Variants in PCLO observed in about 807,000 individuals in gnomAD.
The protein encoded by PCLO is piccolo presynaptic cytomatrix protein, also known as protein piccolo.
Under a neutral mutation model 427.5 loss-of-function variants are expected in PCLO, and 82 were observed. The observed-to-expected ratio is 0.19, with a 90% confidence interval of 0.16 to 0.23. The LOEUF is 0.23. Ranked by LOEUF, PCLO falls within the 10% of genes least tolerant of loss-of-function variation. The pLI, the probability that PCLO is intolerant of heterozygous loss-of-function variation, is 1.00. For synonymous variants in PCLO, 2,357 were observed against 2,155.4 expected (o/e 1.09, Z -2.59); for missense variants, 6,239 against 6,115.9 (o/e 1.02, Z -0.67).
chr7:83,142,785 C>T (rs12707563), intron 2 of PCLO, among the ~76,000 whole-genome samples: 50,252 of 151,840 alleles, frequency 0.33, 9,038 homozygotes, highest in East Asian at 0.62. Context: ...ATGGTGAAAC[C>T]CCGTCTCTAC....
At position 82,824,225 on chromosome 7, in the gene PCLO, A is replaced by G. The variant is rs1562802425; in HGVS notation, c.14596+11T>C. On this transcript the variant is annotated intron_variant, in intron 19 of 24. Transcript: ENST00000333891. ...CACAAAACTTTTTCTACTTAAAAAA[A>G]TATTTCCTACCCTTTGATGGGTCAG... The G allele has an allele frequency of 6.3e-7, 1 of 1,576,650 alleles. No homozygotes were observed. The highest frequency in any genetic ancestry group is 1.9e-5 in the Admixed American group (1 of 52,618).
chr7:82,934,565 T>A (rs1002697480), intron 6 of PCLO, among the ~76,000 whole-genome samples: 2 of 151,752 alleles, frequency 1.3e-5, no homozygotes, highest in Non-Finnish European at 3.0e-5. Flanking sequence ...AAGTATGTGT[T>A]CTAATATGAA....
intron 3 of PCLO, among the ~76,000 whole-genome samples, chr7:83,059,702 T>C (rs185175908): frequency 7.4e-4 from 112 of 152,180 alleles, no homozygotes; most frequent in Non-Finnish European, 1.1e-3. Context: ...TGAAGAGCTA[T>C]GCCATCTGAA....
chr7:83,067,410 G>A (rs767316756), intron 3 of PCLO, among the ~76,000 whole-genome samples: 11 of 152,150 alleles, frequency 7.2e-5, no homozygotes, highest in Non-Finnish European at 1.3e-4. Context: ...TCAGTTGATT[G>A]CTTGAGAGAC....
At chr7:83,004,463 T>A (rs1020932344) in intron 3 of PCLO, among the ~76,000 whole-genome samples, 2 of 133,250 alleles carry the variant, frequency 1.5e-5, no homozygotes, top group East Asian at 5.0e-4. Flanking sequence ...TGAAAAATAA[T>A]GAAATTGGAC....
At chr7:82,872,070 A>G (rs1037351608) in intron 10 of PCLO, among the ~76,000 whole-genome samples, 1 of 152,000 alleles carries the variant, frequency 6.6e-6, no homozygotes, top group Non-Finnish European at 1.5e-5. Context: ...AGAATTTCCT[A>G]AACAGTGCAA....
chr7:83,041,195 T>C (rs1249030315), intron 3 of PCLO, among the ~76,000 whole-genome samples: 2 of 152,176 alleles, frequency 1.3e-5, no homozygotes, highest in East Asian at 3.9e-4. Context: ...AAACATGAAA[T>C]GACTTAGGTG....
In PCLO at chr7:82,824,382, T is replaced by A; in HGVS notation, c.14450A>T (p.Asp4817Val). 1.2e-6 allele frequency: 2 copies of A among 1,612,024 alleles called. No individual in the cohort carries two copies. The highest frequency in any genetic ancestry group is 1.7e-6 in the Non-Finnish European group (2 of 1,178,774). ...GAGAGGATACCACCTTGGAGTGTTA[T>A]CGAGGTGAGATGTGCTAGATAAATC... The part of the protein sequence containing the change: ...LIDLSSTSHL[D>V]NTPRWYPLKE... The change falls in exon 19 of 25, where the codon GAT (aspartate) becomes GTT (valine). Residue 4817 changes from aspartate to valine, a missense_variant. Asp to Val is a radical substitution (Grantham distance 152). Around this residue, in one of 5 missense-constraint regions of PCLO, gnomAD observed 877 missense variants for 925.5 expected, o/e 0.95. Transcript: ENST00000333891.
chr7:83,095,162 T>A (rs1435229832), intron 3 of PCLO, among the ~76,000 whole-genome samples: 1 of 152,162 alleles, frequency 6.6e-6, no homozygotes, highest in East Asian at 1.9e-4. Flanking sequence ...ATTCAAATAA[T>A]CTATTTCATA....
At chr7:83,037,373 T>G (rs1788821796) in intron 3 of PCLO, among the ~76,000 whole-genome samples, 1 of 152,050 alleles carries the variant, frequency 6.6e-6, no homozygotes, top group Non-Finnish European at 1.5e-5. Flanking sequence ...CACCATATCA[T>G]AAAACCAAAG....
intron 22 of PCLO, among the ~76,000 whole-genome samples, chr7:82,782,565 G>A (rs1790895537): frequency 6.6e-6 from 1 of 152,106 alleles, no homozygotes; most frequent in Non-Finnish European, 1.5e-5. Flanking sequence ...AGAGAAGAGA[G>A]TAGAATGTTC....
chr7:83,033,153 C>T (rs1368334468), intron 3 of PCLO, among the ~76,000 whole-genome samples: 1 of 152,106 alleles, frequency 6.6e-6, no homozygotes, highest in Non-Finnish European at 1.5e-5. Flanking sequence ...CCATGAGGAA[C>T]TGTGAGTCAA....
rs565324352 is a variant in PCLO at position 83,081,342 on chromosome 7, C to G, written c.3300+52908G>C. On this transcript the variant is annotated intron_variant, in intron 3 of 24. Coordinates refer to ENST00000333891, the MANE Select transcript of PCLO (RefSeq NM_033026.6). ...AAAATTAATGTACATGTATTCCATA[C>G]AGAAATTTAACAATGTAAAGATGAA... 8.6e-5 allele frequency among the ~76,000 whole-genome samples: 13 copies of G among 151,884 alleles called. No individual in the cohort carries two copies. The East Asian group carries it at 1.9e-3, about 23-fold the overall frequency.
chr7:83,085,113 T>C (rs1790198053), intron 3 of PCLO, among the ~76,000 whole-genome samples: 1 of 152,152 alleles, frequency 6.6e-6, no homozygotes, highest in Admixed American at 6.6e-5. Context: ...CTACCAATGA[T>C]GCACAATTCA....
intron 3 of PCLO, among the ~76,000 whole-genome samples, chr7:83,082,991 TAAAG>T (rs1790141045): frequency 6.6e-6 from 1 of 151,880 alleles, no homozygotes; most frequent in South Asian, 2.1e-4. Context: ...TTGTGTATGA[TAAAG>T]AATTCTCATA....
chr7:82,990,443 C>T lies in PCLO; in HGVS notation c.3301-23956G>A, dbSNP rs1796351572. 3.3e-5 allele frequency among the ~76,000 whole-genome samples: 5 copies of T among 152,050 alleles called. No individual in the cohort carries two copies. The South Asian group carries it at 8.3e-4, about 25-fold the overall frequency. On this transcript the variant is annotated intron_variant, in intron 3 of 24. Transcript: ENST00000333891. ...CCTGTACTCTCACCTTTTATATACC[C>T]ACTGGATCTTGTATATAGTGGGACC...
intron 22 of PCLO, among the ~76,000 whole-genome samples, chr7:82,777,833 C>G (rs997378774): frequency 6.6e-6 from 1 of 152,162 alleles, no homozygotes; most frequent in Admixed American, 6.5e-5. Context: ...TAGGTAATAT[C>G]TAGGTCCCTC....
chr7:82,845,862 A>C (rs1320808440), intron 12 of PCLO, among the ~76,000 whole-genome samples: 1 of 152,104 alleles, frequency 6.6e-6, no homozygotes, highest in Non-Finnish European at 1.5e-5. Context: ...CTAAGGGGAA[A>C]ATTTTCTAAG....
At chr7:83,055,313 C>T (rs1789352502) in intron 3 of PCLO, among the ~76,000 whole-genome samples, 1 of 152,082 alleles carries the variant, frequency 6.6e-6, no homozygotes, top group South Asian at 2.1e-4. Context: ...TGGTCTGTGA[C>T]ATTCCATCAC....
Sources: allele counts gnomAD v4.1 joint callset (sites outside exome capture counted in the v4.1 genomes callset), GRCh38; gene constraint gnomAD v4.1.1; regional missense constraint gnomAD v4.1.1; transcripts MANE v1.5; gene names NCBI Gene and HGNC (gene_info 2026-07-23, HGNC 2026-07-21).